The following GRM5 variants were observed in gnomAD, a reference collection of about 807,000 sequenced individuals.
GRM5 encodes glutamate metabotropic receptor 5, also known as metabotropic glutamate receptor 5.
A neutral mutation model predicts 83.1 loss-of-function variants in GRM5; 19 were observed. The ratio of observed to expected loss-of-function variants is 0.23; its 90% CI spans 0.16 to 0.34. The LOEUF is 0.34. Ranked by LOEUF, GRM5 falls within the 10% of genes least tolerant of loss-of-function variation. The pLI is 1.00. For missense variants in GRM5, 1,160 were observed against 1,588.3 expected, an observed-to-expected ratio of 0.73 and a Z score of 4.58; for synonymous variants, 675 against 633.6, an observed-to-expected ratio of 1.07 and a Z score of -0.98.
chr11:88,891,336 G>T (rs551981308), intron 2 of GRM5, among the ~76,000 whole-genome samples: 1 of 152,062 alleles, frequency 6.6e-6, no homozygotes, highest in South Asian at 2.1e-4. Flanking sequence ...TGACTATCTG[G>T]AATTCTATTT....
At chr11:88,969,017 G>T (rs10501695) in intron 2 of GRM5, among the ~76,000 whole-genome samples, 15,405 of 151,994 alleles carry the variant, frequency 0.1, 2,516 homozygotes, top group African/African-American at 0.34. Context: ...AATCCTGAAA[G>T]TACGACAATT....
chr11:88,615,991 T>C (rs1451620437), intron 4 of GRM5, among the ~76,000 whole-genome samples: 1 of 152,140 alleles, frequency 6.6e-6, no homozygotes. Context: ...ATTCTGGAAG[T>C]AGACAGAAGG....
At chr11:88,653,908 A>G (rs1939700468) in intron 3 of GRM5, among the ~76,000 whole-genome samples, 1 of 152,100 alleles carries the variant, frequency 6.6e-6, no homozygotes, top group Non-Finnish European at 1.5e-5. Flanking sequence ...CAAATGAATA[A>G]TAGGTTTAAA....
intron 5 of GRM5, among the ~76,000 whole-genome samples, chr11:88,600,823 A>G (rs1292098718): frequency 2.0e-5 from 3 of 152,186 alleles, no homozygotes; most frequent in Admixed American, 6.5e-5. Flanking sequence ...GGCTCTTTCA[A>G]TCTATAATTC....
At chr11:88,910,353 A>G (rs1217954969) in intron 2 of GRM5, among the ~76,000 whole-genome samples, 1 of 152,068 alleles carries the variant, frequency 6.6e-6, no homozygotes, top group African/African-American at 2.4e-5. Context: ...GGCTATCATA[A>G]GTAATGTTTT....
intron 2 of GRM5, among the ~76,000 whole-genome samples, chr11:88,960,321 G>C (rs1171241985): frequency 6.6e-6 from 1 of 152,044 alleles, no homozygotes; most frequent in Non-Finnish European, 1.5e-5. Flanking sequence ...TGTGTGTCAG[G>C]CTCTATTCTA....
chr11:88,699,890 T>A (rs939680928), intron 3 of GRM5, among the ~76,000 whole-genome samples: 1 of 152,198 alleles, frequency 6.6e-6, no homozygotes, highest in Non-Finnish European at 1.5e-5. Flanking sequence ...TAAGCTTGAT[T>A]CATGAATGAG....
intron 3 of GRM5, among the ~76,000 whole-genome samples, chr11:88,796,829 G>A (rs1226427735): frequency 1.3e-4 from 19 of 151,850 alleles, no homozygotes. Context: ...TAGGGAAGAT[G>A]TGGAAAGAAA....
chr11:89,035,086 G>A (rs1441391537), intron 2 of GRM5, among the ~76,000 whole-genome samples: 1 of 151,494 alleles, frequency 6.6e-6, no homozygotes, highest in East Asian at 1.9e-4. Flanking sequence ...ATGAATGAAT[G>A]TATTGAGAAT....
chr11:88,600,806 G>T (rs1340776178), intron 5 of GRM5, among the ~76,000 whole-genome samples: 1 of 152,144 alleles, frequency 6.6e-6, no homozygotes, highest in Non-Finnish European at 1.5e-5. Context: ...TTTTATGTGG[G>T]TCCTAAGGCT....
At chr11:88,814,197 G>A (rs905395393) in intron 3 of GRM5, among the ~76,000 whole-genome samples, 4 of 152,134 alleles carry the variant, frequency 2.6e-5, no homozygotes, top group African/African-American at 4.8e-5. Flanking sequence ...CCTGAGAAAT[G>A]AGAAACAAAC....
intron 4 of GRM5, among the ~76,000 whole-genome samples, chr11:88,618,343 T>A (rs1938540244): frequency 6.6e-6 from 1 of 152,234 alleles, no homozygotes; most frequent in South Asian, 2.1e-4. Context: ...CTTTTACTAA[T>A]CTTCTTGCTT....
chr11:88,992,735 G>A (rs1001667879), intron 2 of GRM5, among the ~76,000 whole-genome samples: 4 of 151,898 alleles, frequency 2.6e-5, no homozygotes, highest in Admixed American at 6.6e-5. Flanking sequence ...GATGAAGCTG[G>A]AAACCATCAT....
chr11:88,611,064 G>A (rs1257033783), intron 4 of GRM5, among the ~76,000 whole-genome samples: 2 of 152,098 alleles, frequency 1.3e-5, no homozygotes, highest in South Asian at 2.1e-4. Flanking sequence ...CAGGAATAAG[G>A]CCTACTTGAT....
chr11:88,732,307 C>A (rs555099197), intron 3 of GRM5, among the ~76,000 whole-genome samples: 1 of 152,062 alleles, frequency 6.6e-6, no homozygotes, highest in African/African-American at 2.4e-5. Context: ...ATGAATGAAC[C>A]AATGAACCTA....
At chr11:88,777,740 C>T (rs1942886999) in intron 3 of GRM5, among the ~76,000 whole-genome samples, 1 of 152,204 alleles carries the variant, frequency 6.6e-6, no homozygotes, top group African/African-American at 2.4e-5. Context: ...CTCCATACCC[C>T]ATTTGCCTGG....
chr11:89,048,202 G>C (rs1472584158), intron 1 of GRM5, 130 bp from the exon 2 acceptor site: 3 of 235,660 alleles, frequency 1.3e-5, no homozygotes, highest in Admixed American at 1.0e-4. Context: ...ATTCAAAAAC[G>C]TTTCTGACTT....
At chr11:88,981,434 T>A (rs142819665) in intron 2 of GRM5, among the ~76,000 whole-genome samples, 27 of 152,278 alleles carry the variant, frequency 1.8e-4, no homozygotes, top group African/African-American at 6.3e-4. Context: ...AATTTTTAAA[T>A]GGCAAAAATT....
At chr11:88,731,187 A>C (rs770036795) in intron 3 of GRM5, among the ~76,000 whole-genome samples, 45 of 152,176 alleles carry the variant, frequency 3.0e-4, no homozygotes, top group Admixed American at 1.5e-3. Flanking sequence ...CATATGGACA[A>C]GGTTTTCATG....
Sources: gnomAD v4.1 joint callset for allele counts (sites outside exome capture counted in the v4.1 genomes callset) on GRCh38, gnomAD v4.1.1 for gene constraint, MANE v1.5 for transcripts, NCBI Gene and HGNC (gene_info 2026-07-23, HGNC 2026-07-21) for gene names.